Variants in WWC2 observed in about 807,000 individuals in gnomAD.
WWC2 encodes protein WWC2.
Under a neutral mutation model 138.5 loss-of-function variants are expected in WWC2, and 101 were observed. The ratio of observed to expected loss-of-function variants is 0.73; its 90% confidence interval spans 0.62 to 0.86. WWC2 has a LOEUF of 0.86. Among genes scored for constraint, WWC2 ranks in the 40% least tolerant of loss-of-function variants. WWC2 has a pLI of 0.00. For synonymous variants in WWC2, 558 were observed against 538.4 expected, an observed-to-expected ratio of 1.04 and a Z score of -0.50; for missense variants, 1,420 against 1,419.4, an observed-to-expected ratio of 1.00 and a Z score of -0.01.
rs1215050176 is a variant in WWC2, at chr4:183,178,405, TAAATAAATAAA to T, written c.132-15193_132-15183del. ...ATAAATAAATAAATAAATAAATAAA[TAAATAAATAAA>T]TAAATTTAAAAAATTAGCCAGGCAT... On this transcript the variant is annotated intron_variant, in intron 1 of 22. Coordinates refer to ENST00000403733, the MANE Select transcript of WWC2 (RefSeq NM_024949.6). Among the ~76,000 whole-genome samples, 7 of 149,672 alleles carry T rather than the reference TAAATAAATAAA, an allele frequency of 4.7e-5. No homozygotes were observed. The East Asian group carries it at 1.4e-3, about 29-fold the overall frequency.
intron 1 of WWC2, among the ~76,000 whole-genome samples, chr4:183,163,377 G>T (rs1183975228): frequency 6.6e-6 from 1 of 152,196 alleles, no homozygotes; most frequent in Non-Finnish European, 1.5e-5. Flanking sequence ...TTCATCACCA[G>T]AAGAGAAGCC....
chr4:183,199,299 G>T (rs1735237191), intron 2 of WWC2, among the ~76,000 whole-genome samples: 1 of 151,980 alleles, frequency 6.6e-6, no homozygotes, highest in Non-Finnish European at 1.5e-5. Context: ...ATCTTTCAAA[G>T]CCCTCTTTAA....
chr4:183,274,681 G>C (rs1011830129), intron 16 of WWC2, among the ~76,000 whole-genome samples: 1 of 152,062 alleles, frequency 6.6e-6, no homozygotes, highest in Non-Finnish European at 1.5e-5. Flanking sequence ...ACAACAACAT[G>C]AAAAAGATCT....
intron 1 of WWC2, among the ~76,000 whole-genome samples, chr4:183,100,152 G>A (rs986642005): frequency 6.6e-6 from 1 of 152,254 alleles, no homozygotes; most frequent in Non-Finnish European, 1.5e-5. Context: ...CCCCCGCCGG[G>A]CCCTGCTAGT....
At chr4:183,235,146 C>A (rs567827660) in intron 4 of WWC2, among the ~76,000 whole-genome samples, 1 of 152,208 alleles carries the variant, frequency 6.6e-6, no homozygotes, top group East Asian at 1.9e-4. Flanking sequence ...TTCAGGTTGT[C>A]CATTAAGAAG....
At position 183,305,461 on chromosome 4, in the gene WWC2, GC is replaced by G. The variant is rs1738994769; in HGVS notation, c.3385-6879del. ...CACACACACAGAACATTACACCTAA[GC>G]ATATCCAAACTGCAGAAAATTAAAA... is the stretch of plus-strand genomic sequence containing the variant. On this transcript the variant is annotated intron_variant, in intron 21 of 22. Transcript: ENST00000403733. 3.3e-5 allele frequency among the ~76,000 whole-genome samples: 5 copies of G among 151,956 alleles called. No individual in the cohort carries two copies. In the South Asian group the frequency reaches 1.0e-3, roughly 32 times the overall value.
intron 4 of WWC2, chr4:183,233,617 A>G (rs1736326351): frequency 6.6e-6 from 1 of 152,054 alleles, no homozygotes; most frequent in Admixed American, 6.6e-5. Context: ...CAAAAGATTT[A>G]AAAAAAATAA....
intron 2 of WWC2, among the ~76,000 whole-genome samples, chr4:183,206,746 C>T (rs554698863): frequency 2.1e-4 from 32 of 152,298 alleles, no homozygotes; most frequent in African/African-American, 7.7e-4. Context: ...AGCTCTTAAC[C>T]AGCCTGCACT....
chr4:183,298,630 A>G (rs185545197), intron 21 of WWC2, among the ~76,000 whole-genome samples: 87 of 152,318 alleles, frequency 5.7e-4, no homozygotes, highest in African/African-American at 2.0e-3. Context: ...ATAAAATACC[A>G]TAAAAGTATC....
At chr4:183,099,722 G>C (rs935521469) in intron 1 of WWC2, 100 bp downstream of exon 1, 51 of 1,104,914 alleles carry the variant, frequency 4.6e-5, no homozygotes, top group Non-Finnish European at 5.5e-5. Flanking sequence ...GGCCCGCGGT[G>C]CCCCGAGGGG....
intron 4 of WWC2, among the ~76,000 whole-genome samples, chr4:183,221,511 A>G (rs1474973984): frequency 6.6e-6 from 1 of 152,224 alleles, no homozygotes; most frequent in African/African-American, 2.4e-5. Flanking sequence ...TAGAATATGA[A>G]AAGAAGTCTC....
At chr4:183,272,891 T>C (rs577593502) in intron 16 of WWC2, among the ~76,000 whole-genome samples, 3 of 152,356 alleles carry the variant, frequency 2.0e-5, no homozygotes, top group Admixed American at 6.5e-5. Flanking sequence ...TTGGCTATTA[T>C]GAAAAATGCA....
chr4:183,159,977 C>G (rs1487136088), intron 1 of WWC2, among the ~76,000 whole-genome samples: 1 of 152,166 alleles, frequency 6.6e-6, no homozygotes, highest in Non-Finnish European at 1.5e-5. Context: ...GCATTTCTCA[C>G]TTTGCCTGAT....
chr4:183,139,039 T>C (rs903621855), intron 1 of WWC2, among the ~76,000 whole-genome samples: 1 of 152,064 alleles, frequency 6.6e-6, no homozygotes, highest in Non-Finnish European at 1.5e-5. Context: ...TGGCAGTCGA[T>C]TGTAGTGGAG....
intron 16 of WWC2, 65 bp from the exon 17 acceptor site, chr4:183,280,708 TCTG>T: frequency 1.3e-6 from 2 of 1,492,996 alleles, no homozygotes; most frequent in African/African-American, 1.4e-5. Flanking sequence ...TAAATTCCCA[TCTG>T]CTGAGTTTTT....
At chr4:183,246,707 C>G (rs1398540364) in intron 6 of WWC2, among the ~76,000 whole-genome samples, 2 of 152,148 alleles carry the variant, frequency 1.3e-5, no homozygotes, top group African/African-American at 4.8e-5. Flanking sequence ...AGTCATACAG[C>G]TGGTAAGTAG....
intron 1 of WWC2, among the ~76,000 whole-genome samples, chr4:183,144,794 C>A (rs10520546): frequency 0.072 from 11,029 of 152,272 alleles, 733 homozygotes; most frequent in African/African-American, 0.17. Context: ...GTTCATTCTA[C>A]ATACACGTTG....
chr4:183,254,023 G>A, intron 9 of WWC2, 24 bp downstream of exon 9: 1 of 1,607,904 alleles, frequency 6.2e-7, no homozygotes, highest in Admixed American at 1.7e-5. Context: ...CTGGAAATAG[G>A]GCAGCTTAAC....
Position 183,306,017 on chromosome 4 carries a change from A to G in WWC2, c.3385-6324A>G, listed in dbSNP as rs555758523. 3.3e-4 allele frequency among the ~76,000 whole-genome samples: 51 copies of G among 152,344 alleles called. 1 individual carries two copies. In the Middle Eastern group the frequency reaches 0.01, roughly 30 times the overall value. On this transcript the variant is annotated intron_variant, in intron 21 of 22. Coordinates refer to ENST00000403733, the MANE Select transcript of WWC2 (RefSeq NM_024949.6). Reference sequence around the variant, plus strand: ...GAAGAATGAGGGATATTTTGTTATTATAAGGTACTTGTACTACTCATGATG... The same window carrying G: ...GAAGAATGAGGGATATTTTGTTATTGTAAGGTACTTGTACTACTCATGATG...
Sources: allele counts gnomAD v4.1 joint callset (sites outside exome capture counted in the v4.1 genomes callset), GRCh38; gene constraint gnomAD v4.1.1; transcripts MANE v1.5; gene names NCBI Gene and HGNC (gene_info 2026-07-23, HGNC 2026-07-21).